The following RASA3 variants were observed in gnomAD, a reference collection of about 807,000 sequenced individuals.
RASA3 encodes the protein ras GTPase-activating protein 3.
In RASA3, 73 loss-of-function variants were observed where a neutral mutation model predicts 110.0. That is an observed-to-expected ratio of 0.66 (90% CI 0.55 to 0.81). The LOEUF is 0.81. Among genes scored for constraint, RASA3 ranks in the 30% least tolerant of loss-of-function variants. The pLI is 0.00. For synonymous variants in RASA3, 500 were observed against 451.4 expected, an observed-to-expected ratio of 1.11 and a Z score of -1.37; for missense variants, 976 against 1,113.2, an observed-to-expected ratio of 0.88 and a Z score of 1.75.
At chr13:114,040,941 T>C in intron 4 of RASA3, 59 bp downstream of exon 4, 3 of 1,536,118 alleles carry the variant, frequency 2.0e-6, no homozygotes, top group Admixed American at 3.4e-5. Flanking sequence ...GCCGGGCCCG[T>C]CTCGAAGCCC....
intron 4 of RASA3, among the ~76,000 whole-genome samples, chr13:114,031,119 A>G (rs111071782): frequency 3.4e-5 from 3 of 88,708 alleles, no homozygotes; most frequent in African/African-American, 1.0e-4. Context: ...ATCTGCTTGT[A>G]TGTGTCCACC....
chr13:113,999,035 ACAAG>A, intron 20 of RASA3, among the ~76,000 whole-genome samples: 1 of 151,296 alleles, frequency 6.6e-6, no homozygotes, highest in Non-Finnish European at 1.5e-5. Context: ...GGGAGAAGGA[ACAAG>A]TGTGACTGGG....
intron 8 of RASA3, among the ~76,000 whole-genome samples, chr13:114,023,750 T>C (rs918161358): frequency 8.5e-5 from 13 of 152,206 alleles, no homozygotes; most frequent in African/African-American, 2.4e-4. Flanking sequence ...GGGGGCTCCA[T>C]GGGCAAAGGC....
At chr13:114,038,549 TTCCG>T (rs1566511970) in intron 4 of RASA3, among the ~76,000 whole-genome samples, 1 of 152,186 alleles carries the variant, frequency 6.6e-6, no homozygotes, top group Non-Finnish European at 1.5e-5. Context: ...ACTCCTTAAT[TTCCG>T]TCAAGGGCCT....
At chr13:114,017,466 A>C (rs2053820072) in intron 11 of RASA3, 115 bp from the exon 12 acceptor site, 6 of 822,628 alleles carry the variant, frequency 7.3e-6, no homozygotes. Flanking sequence ...CACGCCCATC[A>C]GTCGGCTTCC....
At chr13:114,104,061 G>A (rs186374290) in intron 1 of RASA3, among the ~76,000 whole-genome samples, 13 of 19,944 alleles carry the variant, frequency 6.5e-4, no homozygotes, top group South Asian at 2.6e-3. Flanking sequence ...ATGCTGCCAC[G>A]GCCACGGACA....
At chr13:114,125,418 A>G (rs1279308435) in intron 1 of RASA3, among the ~76,000 whole-genome samples, 53 of 152,132 alleles carry the variant, frequency 3.5e-4, no homozygotes, top group Admixed American at 3.5e-3. Context: ...CAGGTGTCTC[A>G]CACGGCGAGA....
chr13:114,010,674 G>T (rs1427571163), intron 16 of RASA3, among the ~76,000 whole-genome samples: 1 of 76,912 alleles, frequency 1.3e-5, no homozygotes, highest in Non-Finnish European at 2.5e-5. Flanking sequence ...GCTGCGTGGG[G>T]AGGGAAGTGG....
chr13:114,002,256 C>T (rs2053422328), intron 18 of RASA3, among the ~76,000 whole-genome samples: 1 of 152,244 alleles, frequency 6.6e-6, no homozygotes, highest in South Asian at 2.1e-4. Context: ...AGCAGCAACA[C>T]AGCCAGATGT....
intron 8 of RASA3, among the ~76,000 whole-genome samples, chr13:114,023,278 CGGGGAACATCCCAGGCTT>C (rs2053964366): frequency 7.0e-6 from 1 of 143,612 alleles, no homozygotes; most frequent in Non-Finnish European, 1.6e-5. Context: ...ATCCCAGGCT[CGGGGAACATCCCAGGCTT>C]GGGGGCATCC....
In RASA3 at chr13:114,012,520, C is replaced by T. The variant is rs958870560; in HGVS notation, c.1512+622G>A. The stretch of plus-strand genomic sequence containing the variant: ...ACTCACTCATTACACACACTCCCCA[C>T]GCATTCCACACACACTCCTCATTCC... On this transcript the variant is annotated intron_variant, in intron 15 of 23. Transcript: ENST00000334062. 6.7e-5 allele frequency among the ~76,000 whole-genome samples: 10 copies of T among 149,090 alleles called. No individual in the cohort carries two copies. The East Asian group carries it at 8.0e-4, about 12-fold the overall frequency.
In RASA3 at chr13:113,996,620, G is replaced by A. The variant is rs535737492; in HGVS notation, c.2052C>T (p.Thr684=). 8.7e-6 allele frequency: 14 copies of A among 1,613,692 alleles called. No individual in the cohort carries two copies. Among genetic ancestry groups the A allele is most frequent in the African/African-American group, 4.0e-5 (3 of 75,072 alleles). ...KVSQCNQKRL[T]VYHPSAYLSG... is the part of the protein sequence containing the mutation. ...TCAGGTAGGCGGACGGGTGGTAGAC[G>A]GTGAGGCGCTTCTGGTTGCACTGGC... The change falls in exon 21 of 24, where the codon ACC becomes ACT. Residue 684 remains threonine, a synonymous_variant. Transcript: ENST00000334062.
At chr13:113,996,802 G>T in intron 20 of RASA3, 63 bp from the exon 21 acceptor site, 1 of 1,444,762 alleles carries the variant, frequency 6.9e-7, no homozygotes, top group African/African-American at 1.4e-5. Flanking sequence ...ACGTGCAAGA[G>T]TCCACCAGGC....
intron 1 of RASA3, among the ~76,000 whole-genome samples, chr13:114,079,002 G>A (rs2079737667): frequency 2.0e-5 from 3 of 152,376 alleles, no homozygotes; most frequent in Admixed American, 2.0e-4. Flanking sequence ...CTCAGGCGGG[G>A]CTGGCCTCAT....
Position 114,035,472 on chromosome 13 carries a change from T to C in RASA3, c.372+5528A>G, listed in dbSNP as rs1486836799. On this transcript the variant is annotated intron_variant, in intron 4 of 23. Coordinates refer to ENST00000334062, the MANE Select transcript of RASA3 (RefSeq NM_007368.4). ...AGGGGTGTATGGAAACTCTGTACTCTGCTCAATTTCCCTGTGAACACAGAA... is the reference window on the plus strand; with the variant it reads ...AGGGGTGTATGGAAACTCTGTACTCCGCTCAATTTCCCTGTGAACACAGAA... Among the ~76,000 whole-genome samples the C allele has an allele frequency of 2.0e-5, 3 of 152,364 alleles. No individual in the cohort carries two copies. In the East Asian group the frequency reaches 5.8e-4, roughly 29 times the overall value.
At chr13:114,100,094 G>A (rs1226717537) in intron 1 of RASA3, among the ~76,000 whole-genome samples, 1 of 151,142 alleles carries the variant, frequency 6.6e-6, no homozygotes, top group Non-Finnish European at 1.5e-5. Context: ...CCAGGGTGGA[G>A]AGACCACACT....
chr13:114,104,036 A>C (rs1162304469), intron 1 of RASA3, among the ~76,000 whole-genome samples: 10 of 29,906 alleles, frequency 3.3e-4, no homozygotes, highest in Admixed American at 8.8e-4. Context: ...ACAGACACCC[A>C]CCCCCGATGC....
intron 20 of RASA3, among the ~76,000 whole-genome samples, chr13:113,997,058 T>C (rs935326729): frequency 2.6e-5 from 4 of 152,224 alleles, no homozygotes; most frequent in Non-Finnish European, 4.4e-5. Context: ...GAGGTCTCCA[T>C]TCAAGACAAA....
At chr13:114,021,346 G>A (rs1360049364) in intron 9 of RASA3, 58 bp downstream of exon 9, 51 of 1,482,132 alleles carry the variant, frequency 3.4e-5, no homozygotes, top group Non-Finnish European at 4.8e-5. Flanking sequence ...CTCAGAGGCA[G>A]CACGTGTTTT....
Sources: gnomAD v4.1 joint callset for allele counts (sites outside exome capture counted in the v4.1 genomes callset) on GRCh38, gnomAD v4.1.1 for gene constraint, MANE v1.5 for transcripts, NCBI Gene and HGNC (gene_info 2026-07-23, HGNC 2026-07-21) for gene names.